Variants in RIGI observed in about 807,000 individuals in gnomAD.
RIGI encodes the protein antiviral innate immune response receptor RIG-I.
the RIGI span, among the ~76,000 whole-genome samples, chr9:32,525,053 G>A: frequency 1.3e-5 from 2 of 152,132 alleles, no homozygotes; most frequent in African/African-American, 4.8e-5. Context: ...TATTTATTGA[G>A]AAATCTAGCA....
chr9:32,496,850 G>C, the RIGI span, among the ~76,000 whole-genome samples: 63 of 152,242 alleles, frequency 4.1e-4, no homozygotes, highest in Admixed American at 1.6e-3. Flanking sequence ...CCCATTGAGT[G>C]GTCTTGGTAT....
chr9:32,487,631 G>T, the RIGI span: 14 of 1,612,858 alleles, frequency 8.7e-6, no homozygotes, highest in Non-Finnish European at 1.2e-5. Flanking sequence ...TCAGCCCAAT[G>T]ACCTGTAAGG....
At chr9:32,458,116 G>C in the RIGI span, among the ~76,000 whole-genome samples, 29 of 152,106 alleles carry the variant, frequency 1.9e-4, no homozygotes, top group Admixed American at 1.9e-3. Flanking sequence ...AAGACGAACG[G>C]AACATCCTGA....
chr9:32,521,510 T>A, the RIGI span, among the ~76,000 whole-genome samples: 1 of 152,216 alleles, frequency 6.6e-6, no homozygotes, highest in Admixed American at 6.5e-5. Flanking sequence ...TTTTGTGATA[T>A]CAAGTGTCTT....
the RIGI span, among the ~76,000 whole-genome samples, chr9:32,473,350 C>T: frequency 6.9e-6 from 1 of 145,728 alleles, no homozygotes; most frequent in Non-Finnish European, 1.5e-5. Flanking sequence ...TGCAGTGGCA[C>T]GATCTTCGCT....
chr9:32,500,947 CAG>C, the RIGI span: 1 of 1,610,852 alleles, frequency 6.2e-7, no homozygotes, highest in East Asian at 2.2e-5. Flanking sequence ...CTTCTACAAA[CAG>C]AAGCAAAAAT....
At chr9:32,487,397 C>T in the RIGI span, 4 of 1,401,772 alleles carry the variant, frequency 2.9e-6, no homozygotes, top group South Asian at 2.5e-5. Flanking sequence ...GTTCAGTATT[C>T]GTCTAGATGG....
chr9:32,488,916 A>C, the RIGI span: 1 of 1,567,644 alleles, frequency 6.4e-7, no homozygotes, highest in Non-Finnish European at 8.7e-7. Context: ...AAAAGAAAAC[A>C]TGTAACTCAT....
the RIGI span, among the ~76,000 whole-genome samples, chr9:32,466,701 A>C: frequency 7.4e-4 from 110 of 149,534 alleles, 1 homozygote; most frequent in Non-Finnish European, 2.2e-4. Context: ...AAAAAAAAAA[A>C]AAAAAAAAAA....
chr9:32,465,344 T>C, the RIGI span, among the ~76,000 whole-genome samples: 1 of 152,196 alleles, frequency 6.6e-6, no homozygotes, highest in South Asian at 2.1e-4. Context: ...CTTTAGATAA[T>C]TGATGGTCAA....
At chr9:32,471,312 C>A in the RIGI span, among the ~76,000 whole-genome samples, 1 of 152,148 alleles carries the variant, frequency 6.6e-6, no homozygotes, top group Non-Finnish European at 1.5e-5. Flanking sequence ...CAGCCCAAAT[C>A]TTGAGATATA....
the RIGI span, among the ~76,000 whole-genome samples, chr9:32,519,826 T>C: frequency 1.8e-4 from 27 of 152,018 alleles, no homozygotes; most frequent in Non-Finnish European, 3.8e-4. Flanking sequence ...CTTTCTAGTG[T>C]TTTTTTTATC....
the RIGI span, chr9:32,489,434 A>G: frequency 6.2e-7 from 1 of 1,612,460 alleles, no homozygotes; most frequent in African/African-American, 1.3e-5. Flanking sequence ...GGGCTGTACA[A>G]GTTTGTATCA....
the RIGI span, among the ~76,000 whole-genome samples, chr9:32,455,507 C>T: frequency 6.6e-6 from 1 of 152,138 alleles, no homozygotes; most frequent in African/African-American, 2.4e-5. Context: ...CCAAGAACAG[C>T]ATGGGGACAA....
the RIGI span, among the ~76,000 whole-genome samples, chr9:32,515,608 T>C: frequency 6.6e-6 from 1 of 152,228 alleles, no homozygotes; most frequent in East Asian, 1.9e-4. Context: ...TTGTGAATCA[T>C]ATTTTCAAAA....
chr9:32,508,768 A>G, the RIGI span, among the ~76,000 whole-genome samples: 3 of 151,988 alleles, frequency 2.0e-5, no homozygotes, highest in African/African-American at 7.2e-5. Flanking sequence ...ACTCTCCTGG[A>G]AAGGGGGCTG....
the RIGI span, chr9:32,481,551 G>A: frequency 7.5e-7 from 1 of 1,334,924 alleles, no homozygotes; most frequent in Non-Finnish European, 1.0e-6. Flanking sequence ...CAGTCATTTA[G>A]GGTTATAAAC....
the RIGI span, chr9:32,492,604 T>C: frequency 1.3e-6 from 2 of 1,569,430 alleles, no homozygotes; most frequent in Non-Finnish European, 8.8e-7. Context: ...CAATTTTTAC[T>C]GAAGAAATGT....
chr9:32,466,373 G>T, the RIGI span: 1 of 1,613,612 alleles, frequency 6.2e-7, no homozygotes, highest in African/African-American at 1.3e-5. Flanking sequence ...ATGTTTATTT[G>T]TTCTTTTTCA....
Sources: gnomAD v4.1 joint callset for allele counts (sites outside exome capture counted in the v4.1 genomes callset) on GRCh38, gnomAD v4.1.1 for gene constraint, MANE v1.5 for transcripts, NCBI Gene and HGNC (gene_info 2026-07-23, HGNC 2026-07-21) for gene names.